The following RAP1GAP2 variants were observed in gnomAD, a reference collection of about 807,000 sequenced individuals.
RAP1GAP2 encodes the protein RAP1 GTPase activating protein 2, also known as rap1 GTPase-activating protein 2.
In RAP1GAP2, 27 loss-of-function variants were observed where a neutral mutation model predicts 95.0. The ratio of observed to expected loss-of-function variants is 0.28; its 90% CI spans 0.21 to 0.39. The LOEUF (loss-of-function observed/expected upper bound fraction) is 0.39. Ranked by LOEUF, RAP1GAP2 falls within the 10% of genes least tolerant of loss-of-function variation. The probability of loss-of-function intolerance (pLI) is 1.00; values close to 1 mark genes in which losing one functional copy is unlikely to be tolerated. For missense variants in RAP1GAP2, 771 were observed against 970.0 expected (o/e 0.79, Z 2.72); for synonymous variants, 373 against 380.9 (o/e 0.98, Z 0.24).
upstream of RAP1GAP2, among the ~76,000 whole-genome samples, chr17:2,792,641 A>T (rs178574): frequency 0.94 from 143,111 of 152,298 alleles, 67,892 homozygotes; most frequent in Non-Finnish European, 1. Context: ...TCCCAGCGGC[A>T]TCGAAGAAGT....
chr17:2,957,868 C>A (rs2044178631), intron 4 of RAP1GAP2, 74 bp downstream of exon 4: 5 of 1,412,602 alleles, frequency 3.5e-6, no homozygotes, highest in African/African-American at 2.9e-5. Flanking sequence ...CCAGGCAGAA[C>A]CCACGGGCAG....
chr17:2,761,072 A>T (rs1336229197), intron 1 of RAP1GAP2, among the ~76,000 whole-genome samples: 2 of 150,422 alleles, frequency 1.3e-5, no homozygotes, highest in African/African-American at 4.9e-5. Context: ...CTTCTGCCTC[A>T]GCCTCCCGAG....
Position 2,992,078 on chromosome 17 carries a change from T to A in RAP1GAP2, c.914+681T>A, listed in dbSNP as rs538123063. Among the ~76,000 whole-genome samples the A allele has an allele frequency of 3.9e-5, 6 of 152,132 alleles. No individual in the cohort carries two copies. The East Asian group carries it at 9.7e-4, about 25-fold the overall frequency. On this transcript the variant is annotated intron_variant, in intron 12 of 24. Transcript: ENST00000254695. ...GCCGCGCCTGGCCTGAAATGACCTATTTTAGATAATACACAAAGAATGCAT... is the reference window on the plus strand; with the variant it reads ...GCCGCGCCTGGCCTGAAATGACCTAATTTAGATAATACACAAAGAATGCAT...
In RAP1GAP2 at chr17:3,026,375, G is replaced by T. The variant is rs1460099083; in HGVS notation, c.1891G>T (p.Gly631Cys). The change falls in exon 21 of 25, where the codon GGC becomes TGC. Residue 631 changes from glycine (G) to cysteine (C), a missense_variant. Coordinates refer to ENST00000254695, the MANE Select transcript of RAP1GAP2 (RefSeq NM_015085.5). ...EKPFMKLKEN[G>C]RAISRSSSST... is the part of the protein sequence containing the mutation. ...GCCCTTCATGAAGTTGAAGGAAAAC[G>T]GCCGTGCCATCTCCCGCTCCTCCTC... The T allele has an allele frequency of 1.9e-6, 3 of 1,552,012 alleles. No individual in the cohort carries two copies. Among genetic ancestry groups the T allele is most frequent in the Non-Finnish European group, 2.6e-6 (3 of 1,147,432 alleles).
intron 3 of RAP1GAP2, among the ~76,000 whole-genome samples, chr17:2,939,038 C>T (rs1008120351): frequency 6.6e-6 from 1 of 152,148 alleles, no homozygotes; most frequent in African/African-American, 2.4e-5. Context: ...TCAAAGAAAA[C>T]GGTTCCCTAT....
At position 2,903,060 on chromosome 17, in the gene RAP1GAP2, G is replaced by T. The variant is rs75665254; in HGVS notation, c.81-2224G>T. On this transcript the variant is annotated intron_variant, in intron 2 of 24. Coordinates refer to ENST00000254695, the MANE Select transcript of RAP1GAP2 (RefSeq NM_015085.5). This position sits in a 1 kb window ranked among gnomAD's most constrained non-coding sequence, Gnocchi z 4.1. Reference sequence around the variant, plus strand: ...GGCTGCTGTCCATCAAGGTGCCTGCGAGCCATCTCCAGAGGCCCTCTGCTA... The same window carrying T: ...GGCTGCTGTCCATCAAGGTGCCTGCTAGCCATCTCCAGAGGCCCTCTGCTA... Among the ~76,000 whole-genome samples the T allele has an allele frequency of 3.5e-3, 538 of 152,266 alleles. 5 individuals carry two copies. The highest frequency in any genetic ancestry group is 0.018 in the East Asian group (95 of 5,166).
upstream of RAP1GAP2, among the ~76,000 whole-genome samples, chr17:2,795,451 C>T (rs1328446284): frequency 1.3e-5 from 2 of 152,302 alleles, no homozygotes; most frequent in Admixed American, 6.5e-5. Flanking sequence ...AGGACCAGCA[C>T]CTGAGCATGC....
intron 4 of RAP1GAP2, among the ~76,000 whole-genome samples, chr17:2,961,979 T>C (rs1270654162): frequency 1.3e-5 from 2 of 150,922 alleles, no homozygotes; most frequent in African/African-American, 2.4e-5. Flanking sequence ...CTCGGCTCAC[T>C]GCAACCTCTG....
intron 3 of RAP1GAP2, among the ~76,000 whole-genome samples, chr17:2,921,135 G>A (rs111804023): frequency 0.12 from 18,054 of 151,938 alleles, 1,454 homozygotes; most frequent in Middle Eastern, 0.2. Context: ...TGATTCCTAG[G>A]GTTGCTGTAA....
In RAP1GAP2 at chr17:3,004,812, CT is replaced by C; in HGVS notation, c.1201-556del. 2.0e-5 allele frequency among the ~76,000 whole-genome samples: 3 copies of C among 152,348 alleles called. No individual in the cohort carries two copies. The South Asian group carries it at 6.2e-4, about 32-fold the overall frequency. On this transcript the variant is annotated intron_variant, in intron 14 of 24. Coordinates refer to ENST00000254695, the MANE Select transcript of RAP1GAP2 (RefSeq NM_015085.5). The surrounding 1 kb of genome is among the most constrained non-coding windows in gnomAD (Gnocchi z 4.1). ...TTAGGCCAGAGCCCATGAACCCAGT[CT>C]GTATTTTTAAACACCTGAAGCAATT...
rs75239875 is a variant in RAP1GAP2 at position 2,956,158 on chromosome 17, G to A, written c.166-1601G>A. Among the ~76,000 whole-genome samples the A allele has an allele frequency of 3.6e-3, 547 of 152,352 alleles. 3 individuals carry two copies. The highest frequency in any genetic ancestry group is 0.012 in the African/African-American group (495 of 41,580). ...GGTAAGAATGCCCCGCGTGGGTGGT[G>A]CATGTGCACCTGAGCAAGTTGGAAG... On this transcript the variant is annotated intron_variant, in intron 3 of 24. Coordinates refer to ENST00000254695, the MANE Select transcript of RAP1GAP2 (RefSeq NM_015085.5).
intron 1 of RAP1GAP2, among the ~76,000 whole-genome samples, chr17:2,762,552 C>A (rs959908743): frequency 6.6e-6 from 1 of 151,732 alleles, no homozygotes; most frequent in Non-Finnish European, 1.5e-5. Context: ...TGCCCACAAC[C>A]ACACCTGGCT....
chr17:2,962,371 T>C (rs12937737), intron 4 of RAP1GAP2: 49,161 of 401,082 alleles, frequency 0.12, 5,343 homozygotes, highest in East Asian at 0.36. Flanking sequence ...GATGAGAACA[T>C]TGAGTCACAG....
intron 2 of RAP1GAP2, among the ~76,000 whole-genome samples, chr17:2,826,952 G>C (rs561181654): frequency 6.6e-6 from 1 of 152,314 alleles, no homozygotes; most frequent in South Asian, 2.1e-4. Flanking sequence ...GTTGCAGTGA[G>C]CCGAGATGAC....
At chr17:2,974,675 A>C (rs17221947) in intron 8 of RAP1GAP2, among the ~76,000 whole-genome samples, 27,556 of 152,036 alleles carry the variant, frequency 0.18, 3,085 homozygotes, top group East Asian at 0.34. Flanking sequence ...GGAAGGAAAA[A>C]ATGTTCAGTG....
At chr17:2,810,957 A>G (rs4790365) in intron 2 of RAP1GAP2, among the ~76,000 whole-genome samples, 127,109 of 152,076 alleles carry the variant, frequency 0.84, 53,534 homozygotes, top group African/African-American at 0.93. Context: ...ATTGTAGTAC[A>G]ACTTTGCTCG....
intron 3 of RAP1GAP2, among the ~76,000 whole-genome samples, chr17:2,946,744 G>C (rs779313989): frequency 2.1e-4 from 32 of 152,110 alleles, no homozygotes; most frequent in Non-Finnish European, 3.8e-4. Context: ...AGCTCTAGGG[G>C]TGGGGCCTAG....
At chr17:2,917,541 A>T (rs1218843897) in intron 3 of RAP1GAP2, among the ~76,000 whole-genome samples, 1 of 151,890 alleles carries the variant, frequency 6.6e-6, no homozygotes. Flanking sequence ...AAGTGCTGGG[A>T]TTATAAGTGT....
chr17:2,860,656 T>C (rs1025589617), intron 2 of RAP1GAP2, among the ~76,000 whole-genome samples: 2 of 141,346 alleles, frequency 1.4e-5, no homozygotes, highest in African/African-American at 5.4e-5. Context: ...CATTCTGGAG[T>C]GCAGTGGCGC....
Sources: gnomAD v4.1 joint callset for allele counts (sites outside exome capture counted in the v4.1 genomes callset) on GRCh38, gnomAD v4.1.1 for gene constraint, Gnocchi (gnomAD v3.1) non-coding constraint, MANE v1.5 for transcripts, NCBI Gene and HGNC (gene_info 2026-07-23, HGNC 2026-07-21) for gene names.